The following GALNS variants were observed in gnomAD, a reference collection of about 807,000 sequenced individuals.
GALNS encodes the protein galactosamine (N-acetyl)-6-sulfatase.
In GALNS, 65 loss-of-function variants were observed where a neutral mutation model predicts 65.9. The ratio of observed to expected loss-of-function variants is 0.99; its 90% CI spans 0.81 to 1.21. The LOEUF is 1.21. Ranked by LOEUF, GALNS falls within the 50% of genes most tolerant of loss-of-function variation. The pLI, the probability that GALNS is intolerant of heterozygous loss-of-function variation, is 0.00. For synonymous variants in GALNS, 346 were observed against 288.9 expected (o/e 1.20, Z -2.00); for missense variants, 776 against 700.7 (o/e 1.11, Z -1.21).
chr16:88,814,592 G>A (rs1434395944), intron 13 of GALNS, 67 bp from the exon 14 acceptor site: 1 of 1,547,046 alleles, frequency 6.5e-7, no homozygotes, highest in African/African-American at 1.4e-5. Context: ...AGCAGCAGCG[G>A]GCATTTTGTT....
chr16:88,826,402 C>T (rs934425740), intron 10 of GALNS, among the ~76,000 whole-genome samples: 28 of 148,470 alleles, frequency 1.9e-4, no homozygotes, highest in Non-Finnish European at 2.7e-4. Context: ...CGGGCAGGGG[C>T]GGCATGTGCC....
At position 88,855,354 on chromosome 16, in the gene GALNS, G is replaced by A. The variant is rs1567548488; in HGVS notation, c.120+1404C>T. 5 of 701,082 alleles carry A rather than the reference G, an allele frequency of 7.1e-6. No individual in the cohort carries two copies. In the East Asian group the frequency reaches 1.1e-4, roughly 15 times the overall value. The allele number at this position is 701,082 out of a possible 1,614,324, so 43.4% of individuals were successfully genotyped here. ...TTACACAATGAAAAGAAGAAATTCT[G>A]AAACAAAGTATCTACACTGGCCCAG... On this transcript the variant is annotated intron_variant, in intron 1 of 13. Transcript: ENST00000268695.
At chr16:88,842,003 TA>T (rs1966997377) in intron 2 of GALNS, 32 bp from the exon 3 acceptor site, 1 of 1,592,402 alleles carries the variant, frequency 6.3e-7, no homozygotes, top group Admixed American at 1.7e-5. Context: ...AGAAACTGGA[TA>T]AGAAGGGTGT....
Position 88,826,747 on chromosome 16 carries a change from C to T in GALNS, c.1094G>A (p.Gly365Asp). The stretch of plus-strand genomic sequence containing the variant: ...CAGGAGGGTGGGGAGGAGGTTGAGG[C>T]CATCAATGGCCCTGTCGCTGGGCGG... ...LTPPSDRAIDGLNLLPTLLQG... is the reference protein window; with the variant it reads ...LTPPSDRAIDDLNLLPTLLQG... Residue 365 changes from glycine (G) to aspartate (D), a missense_variant, in exon 10 of 14, where the codon GGC (glycine) becomes GAC (aspartate). By Grantham distance (94) the Gly-to-Asp change is moderately conservative. Transcript: ENST00000268695. 1 of 1,612,036 alleles carries T rather than the reference C, an allele frequency of 6.2e-7. No homozygotes were observed. The highest frequency in any genetic ancestry group is 8.5e-7 in the Non-Finnish European group (1 of 1,179,572).
At chr16:88,856,392 T>C (rs113899369) in intron 1 of GALNS, 106 of 700,686 alleles carry the variant, frequency 1.5e-4, no homozygotes, top group African/African-American at 1.4e-3. Flanking sequence ...TTCCCAAGAG[T>C]AGAGGGCGGG....
intron 11 of GALNS, among the ~76,000 whole-genome samples, chr16:88,823,397 A>C (rs1352575715): frequency 2.6e-5 from 4 of 152,270 alleles, no homozygotes; most frequent in Admixed American, 2.0e-4. Context: ...GATTCGGGAA[A>C]GGCGAGGTAT....
chr16:88,834,597 AG>A (rs1911900087), intron 8 of GALNS, among the ~76,000 whole-genome samples: 1 of 79,674 alleles, frequency 1.3e-5, no homozygotes, highest in Non-Finnish European at 2.6e-5. Flanking sequence ...AAGAGGCTGT[AG>A]GGCCCCCCCC....
Position 88,815,430 on chromosome 16 carries a change from G to C in GALNS, c.1483-905C>G, listed in dbSNP as rs1909521715. On this transcript the variant is annotated intron_variant, in intron 13 of 13. Transcript: ENST00000268695. ...CTACTGCGCTGCTGGGCTCAGTTCA[G>C]TGCGGTGCTGAGCGGAGCCCGCACC... is the stretch of plus-strand genomic sequence containing the variant. 3 of 985,356 alleles carry C rather than the reference G, an allele frequency of 3.0e-6. No homozygotes were observed. The Admixed American group carries it at 1.8e-4, about 61-fold the overall frequency. 61.0% of individuals were successfully genotyped at this position (985,356 alleles called of 1,614,324 possible).
intron 1 of GALNS, chr16:88,843,269 C>G (rs984854027): frequency 1.6e-6 from 2 of 1,231,536 alleles, no homozygotes; most frequent in South Asian, 1.3e-5. Context: ...CAACTGGTAA[C>G]TGTCCCCCAG....
Position 88,836,290 on chromosome 16 carries a change from C to G in GALNS, c.567-23G>C, listed in dbSNP as rs568370104. ...TATCTGAAAAGAACACAGATCCAGA[C>G]AGACTTCAGAATTTAGGCCAAGAAA... On this transcript the variant is annotated intron_variant, in intron 5 of 13. Coordinates refer to ENST00000268695, the MANE Select transcript of GALNS (RefSeq NM_000512.5). The G allele has an allele frequency of 1.1e-5, 17 of 1,593,850 alleles. No homozygotes were observed. In the South Asian group the frequency reaches 1.6e-4, roughly 15 times the overall value.
Position 88,814,028 on chromosome 16 carries a change from T to G in GALNS, c.*411A>C. The G allele has an allele frequency of 3.0e-6, 1 of 329,554 alleles. No individual in the cohort carries two copies. Among genetic ancestry groups the G allele is most frequent in the Non-Finnish European group, 5.9e-6 (1 of 168,130 alleles). 20.4% of individuals were successfully genotyped at this position (329,554 alleles called of 1,614,324 possible). ...ACGCCATACACATACTGATCTTGTG[T>G]CTCCCTAAGATGTATAAAGGCAAAC... is the stretch of plus-strand genomic sequence containing the variant. On this transcript the variant is annotated 3_prime_UTR_variant, in exon 14 of 14. Coordinates refer to ENST00000268695, the MANE Select transcript of GALNS (RefSeq NM_000512.5).
At chr16:88,814,616 G>T in intron 13 of GALNS, 91 bp from the exon 14 acceptor site, 1 of 1,541,170 alleles carries the variant, frequency 6.5e-7, no homozygotes, top group Non-Finnish European at 8.7e-7. Flanking sequence ...GCTGTTCTGA[G>T]ACAGTCTCAC....
intron 13 of GALNS, chr16:88,816,880 T>C (rs112092644): frequency 0.054 from 53,501 of 985,374 alleles, 1,584 homozygotes; most frequent in Middle Eastern, 0.12. Context: ...GCGCGGCAGA[T>C]CCAGGGGCTG....
At chr16:88,843,200 C>T (rs1183454362) in intron 1 of GALNS, 2 of 1,334,878 alleles carry the variant, frequency 1.5e-6, no homozygotes, top group Non-Finnish European at 9.8e-7. Flanking sequence ...ACACGTGCAT[C>T]TATTTTCAAC....
intron 11 of GALNS, among the ~76,000 whole-genome samples, 197 bp from the exon 12 acceptor site, chr16:88,822,907 G>A (rs1466723223): frequency 6.6e-6 from 1 of 152,204 alleles, no homozygotes; most frequent in East Asian, 1.9e-4. Flanking sequence ...TCAGCATGGT[G>A]CAGGGCGCTG....
chr16:88,828,252 G>A (rs1341846197), intron 9 of GALNS, among the ~76,000 whole-genome samples: 15 of 151,452 alleles, frequency 9.9e-5, no homozygotes, highest in African/African-American at 3.2e-4. Context: ...AAATAACTGC[G>A]GAGCAGTGCT....
chr16:88,815,324 C>A, intron 13 of GALNS: 2 of 985,474 alleles, frequency 2.0e-6, no homozygotes, highest in Non-Finnish European at 2.4e-6. Flanking sequence ...CCCAGGAGGG[C>A]CCACCCTGAG....
intron 1 of GALNS, chr16:88,855,525 G>A: frequency 2.8e-6 from 2 of 702,576 alleles, no homozygotes; most frequent in Non-Finnish European, 5.2e-6. Context: ...AGCAGTCACT[G>A]CACACAAATA....
chr16:88,846,053 ATAAT>A (rs373321652), intron 1 of GALNS, among the ~76,000 whole-genome samples: 6 of 152,340 alleles, frequency 3.9e-5, no homozygotes, highest in African/African-American at 1.4e-4. Context: ...TCCTAAGAAA[ATAAT>A]TACAGCTATG....
Sources: gnomAD v4.1 joint callset for allele counts (sites outside exome capture counted in the v4.1 genomes callset) on GRCh38, gnomAD v4.1.1 for gene constraint, MANE v1.5 for transcripts, NCBI Gene and HGNC (gene_info 2026-07-23, HGNC 2026-07-21) for gene names.